The following TRAK1 variants were observed in gnomAD, a reference collection of about 807,000 sequenced individuals.
TRAK1 encodes the protein trafficking kinesin-binding protein 1.
A neutral mutation model predicts 92.1 loss-of-function variants in TRAK1; 33 were observed. That is an observed-to-expected ratio of 0.36 (90% CI 0.27 to 0.48). The LOEUF (loss-of-function observed/expected upper bound fraction) is 0.48, where lower values mean the gene tolerates loss of function less well. TRAK1 is among the 20% of genes least tolerant of loss of function. The pLI, the probability that TRAK1 is intolerant of heterozygous loss-of-function variation, is 0.99. For synonymous variants in TRAK1, 521 were observed against 517.3 expected, an observed-to-expected ratio of 1.01 and a Z score of -0.10; for missense variants, 1,123 against 1,257.9, an observed-to-expected ratio of 0.89 and a Z score of 1.62.
chr3:42,161,916 G>A (rs938908343), intron 2 of TRAK1, among the ~76,000 whole-genome samples: 1 of 152,182 alleles, frequency 6.6e-6, no homozygotes, highest in Non-Finnish European at 1.5e-5. Flanking sequence ...TAGAACTAGG[G>A]CTCCCCCAGA....
chr3:42,143,308 C>CTTTTTTTTTT (rs369435084), intron 2 of TRAK1, among the ~76,000 whole-genome samples: 1 of 139,260 alleles, frequency 7.2e-6, no homozygotes, highest in Non-Finnish European at 1.5e-5. Flanking sequence ...TGTACCTCTT[C>CTTTTTTTTTT]TTTTTTTTTT....
chr3:42,199,601 G>A (rs994893403), intron 11 of TRAK1, among the ~76,000 whole-genome samples: 2 of 152,088 alleles, frequency 1.3e-5, no homozygotes, highest in Admixed American at 6.5e-5. Flanking sequence ...GACTACAGGC[G>A]CATGCCACCA....
intron 2 of TRAK1, chr3:42,160,083 C>G: frequency 2.1e-6 from 2 of 951,238 alleles, no homozygotes; most frequent in Non-Finnish European, 2.7e-6. Context: ...CTGCGCCTAG[C>G]AGGGCATTCC....
chr3:42,196,983 TTCTCTCTC>T (rs751918693), intron 10 of TRAK1, among the ~76,000 whole-genome samples: 1 of 123,264 alleles, frequency 8.1e-6, no homozygotes, highest in East Asian at 2.2e-4. Context: ...CTCTTTCTCT[TTCTCTCTC>T]TCTCTCTCTC....
intron 14 of TRAK1, among the ~76,000 whole-genome samples, chr3:42,213,435 C>T (rs1434215788): frequency 1.3e-5 from 2 of 152,224 alleles, no homozygotes; most frequent in Non-Finnish European, 2.9e-5. Context: ...TTCCCTAAAT[C>T]TCCAGCAACT....
intron 8 of TRAK1, 90 bp downstream of exon 8, chr3:42,193,295 T>C (rs1339099510): frequency 6.5e-7 from 1 of 1,539,130 alleles, no homozygotes; most frequent in Non-Finnish European, 8.8e-7. Context: ...TGCTCTTTAG[T>C]TTCATATCTT....
chr3:42,221,771 T>A (rs1000189202), intron 15 of TRAK1: 2 of 152,198 alleles, frequency 1.3e-5, no homozygotes, highest in Non-Finnish European at 2.9e-5. Flanking sequence ...TGAGAAGCAG[T>A]ATAGGGCTTC....
chr3:42,174,767 A>G (rs1370034673), intron 2 of TRAK1, among the ~76,000 whole-genome samples: 2 of 150,562 alleles, frequency 1.3e-5, no homozygotes, highest in East Asian at 2.0e-4. Context: ...GGGTTTTGCC[A>G]TGTTGCCCAG....
chr3:42,088,039 G>C (rs1188907668), upstream of TRAK1, among the ~76,000 whole-genome samples: 1 of 152,246 alleles, frequency 6.6e-6, no homozygotes, highest in Non-Finnish European at 1.5e-5. Flanking sequence ...CAATGGAAAT[G>C]GTGTAGGATG....
At chr3:42,148,467 A>G (rs567064718) in intron 2 of TRAK1, among the ~76,000 whole-genome samples, 16 of 152,380 alleles carry the variant, frequency 1.1e-4, no homozygotes, top group African/African-American at 3.6e-4. Context: ...TAGAACTAAT[A>G]TTAACTGTAT....
At chr3:42,152,243 A>G (rs201627285) in intron 2 of TRAK1, among the ~76,000 whole-genome samples, 1 of 152,176 alleles carries the variant, frequency 6.6e-6, no homozygotes, top group Non-Finnish European at 1.5e-5. Flanking sequence ...GAGGCATGGG[A>G]CAGGGGCTTA....
chr3:42,090,410 G>T (rs1391830711), upstream of TRAK1, among the ~76,000 whole-genome samples: 5 of 152,240 alleles, frequency 3.3e-5, no homozygotes, highest in East Asian at 1.9e-4. Flanking sequence ...TCACAGCTGG[G>T]CGTGGTGGCT....
At chr3:42,128,567 G>A (rs946068017) in intron 2 of TRAK1, among the ~76,000 whole-genome samples, 7 of 152,172 alleles carry the variant, frequency 4.6e-5, no homozygotes, top group Non-Finnish European at 8.8e-5. Context: ...GAATTTAGGG[G>A]TTCCATGCAC....
At chr3:42,170,247 G>A (rs188251214) in intron 2 of TRAK1, among the ~76,000 whole-genome samples, 189 of 152,282 alleles carry the variant, frequency 1.2e-3, no homozygotes, top group Non-Finnish European at 2.4e-3. Context: ...ACCTTTAAAG[G>A]ACATCTATTT....
chr3:42,158,571 C>CTTTTTTTTT (rs10522929), intron 2 of TRAK1, among the ~76,000 whole-genome samples: 1 of 147,344 alleles, frequency 6.8e-6, no homozygotes, highest in South Asian at 2.1e-4. Context: ...ATTTCTACAC[C>CTTTTTTTTT]TTTTTTTTTT....
intron 1 of TRAK1, among the ~76,000 whole-genome samples, chr3:42,092,681 T>TTGTTG (rs1553712895): frequency 0.015 from 1,946 of 131,106 alleles, 53 homozygotes; most frequent in African/African-American, 0.046. Flanking sequence ...TCCTTTTATT[T>TTGTTG]TGTTGTGTTG....
At position 42,223,999 on chromosome 3, in the gene TRAK1, A is replaced by C; in HGVS notation, c.*262A>C. The stretch of plus-strand genomic sequence containing the variant: ...GTGCCCCTGCACTGTCATCACTCTC[A>C]CGAGGACGTCACCTGTGCTAACCTG... On this transcript the variant is annotated 3_prime_UTR_variant, in exon 16 of 16. Transcript: ENST00000327628. The surrounding 1 kb of genome is among the most constrained non-coding windows in gnomAD (Gnocchi z 6.1). 6.5e-6 allele frequency: 4 copies of C among 616,352 alleles called. No homozygotes were observed. Among genetic ancestry groups the C allele is most frequent in the East Asian group, 3.4e-5 (1 of 29,646 alleles). 38.2% of individuals were successfully genotyped at this position (616,352 alleles called of 1,614,324 possible). A position where few individuals can be genotyped will look rare whatever the true frequency, so the allele number is the denominator to read the frequency against.
rs77830569 is a variant in TRAK1 at position 42,124,912 on chromosome 3, G to T, written c.92-508G>T. On this transcript the variant is annotated intron_variant, in intron 1 of 15. Coordinates refer to ENST00000327628, the MANE Select transcript of TRAK1 (RefSeq NM_001042646.3). Reference sequence around the variant, plus strand: ...TCACCACTGTGTCTCCTTTGCCCGTGGTACTCAGGATTCAAATGGATGGAT... The same window carrying T: ...TCACCACTGTGTCTCCTTTGCCCGTTGTACTCAGGATTCAAATGGATGGAT... Among the ~76,000 whole-genome samples, 78 of 152,200 alleles carry T rather than the reference G, an allele frequency of 5.1e-4. No individual in the cohort carries two copies. In the East Asian group the frequency reaches 0.012, roughly 24 times the overall value.
At position 42,209,801 on chromosome 3, in the gene TRAK1, C is replaced by G; in HGVS notation, c.1779C>G (p.Ala593=). Residue 593 remains alanine (A), a synonymous_variant, in exon 14 of 16, where the codon GCC becomes GCG. Coordinates refer to ENST00000327628, the MANE Select transcript of TRAK1 (RefSeq NM_001042646.3). Reference sequence around the variant, plus strand: ...CACTTCACCACTGGCAGCAGTTGGCCCAACCTCACCTTGGGGGCATCCTGG... The same window carrying G: ...CACTTCACCACTGGCAGCAGTTGGCGCAACCTCACCTTGGGGGCATCCTGG... ...SATLHHWQQL[A]QPHLGGILDP... 1 of 1,614,160 alleles carries G rather than the reference C, an allele frequency of 6.2e-7. No individual in the cohort carries two copies. Among genetic ancestry groups the G allele is most frequent in the South Asian group, 1.1e-5 (1 of 91,086 alleles).
Sources: allele counts gnomAD v4.1 joint callset (sites outside exome capture counted in the v4.1 genomes callset), GRCh38; gene constraint gnomAD v4.1.1; non-coding constraint Gnocchi (gnomAD v3.1); transcripts MANE v1.5; gene names NCBI Gene and HGNC (gene_info 2026-07-23, HGNC 2026-07-21).